Variants in ANO1 observed in about 807,000 individuals in gnomAD.
ANO1 encodes anoctamin-1.
Under a neutral mutation model 124.0 loss-of-function variants are expected in ANO1, and 59 were observed. The observed-to-expected ratio is 0.48, with a 90% CI of 0.39 to 0.59. The LOEUF is 0.59. ANO1 is among the 20% of genes least tolerant of loss of function. ANO1 has a pLI of 0.00. For synonymous variants in ANO1, 529 were observed against 532.0 expected (o/e 0.99, Z 0.08); for missense variants, 1,059 against 1,328.0 (o/e 0.80, Z 3.15).
intron 1 of ANO1, among the ~76,000 whole-genome samples, chr11:70,005,118 A>AAAAG (rs1856463018): frequency 6.6e-6 from 1 of 151,976 alleles, no homozygotes; most frequent in Admixed American, 6.6e-5. Context: ...AACTCAAAAA[A>AAAAG]AAAAAAAAAA....
intron 19 of ANO1, 28 bp from the exon 20 acceptor site, chr11:70,165,442 C>A: frequency 6.4e-7 from 1 of 1,574,748 alleles, no homozygotes; most frequent in Non-Finnish European, 8.7e-7. Flanking sequence ...GTCCCTGTAG[C>A]GTGGCTGATG....
At chr11:70,119,667 A>G (rs947205664) in intron 8 of ANO1, among the ~76,000 whole-genome samples, 15 of 141,028 alleles carry the variant, frequency 1.1e-4, no homozygotes, top group African/African-American at 3.4e-4. Context: ...GGAAGGATGA[A>G]TGATGGATGA....
the ANO1 span, among the ~76,000 whole-genome samples, chr11:69,969,666 C>T: frequency 3.9e-5 from 6 of 152,188 alleles, no homozygotes; most frequent in East Asian, 3.9e-4. Context: ...GACCCGGATG[C>T]GGCCAGGCAC....
At chr11:70,065,540 C>T (rs1857695211) in intron 1 of ANO1, among the ~76,000 whole-genome samples, 1 of 152,192 alleles carries the variant, frequency 6.6e-6, no homozygotes, top group Non-Finnish European at 1.5e-5. Context: ...GCCCTGCAGG[C>T]CTGGCCTTCC....
rs781528950 is a variant in ANO1, at chr11:70,185,715, G to A, written c.2694+20G>A. 9 of 1,611,946 alleles carry A rather than the reference G, an allele frequency of 5.6e-6. No individual in the cohort carries two copies. In the African/African-American group the frequency reaches 1.1e-4, roughly 19 times the overall value. ...TTCCAGGTGCGGTGGGTCCCTCTTTGTTTCCGGTTTGAAGATGGGAGCATT... is the reference window on the plus strand; with the variant it reads ...TTCCAGGTGCGGTGGGTCCCTCTTTATTTCCGGTTTGAAGATGGGAGCATT... On this transcript the variant is annotated intron_variant, in intron 25 of 25. Coordinates refer to ENST00000355303, the MANE Select transcript of ANO1 (RefSeq NM_018043.7).
intron 6 of ANO1, among the ~76,000 whole-genome samples, chr11:70,110,105 G>A (rs1482445625): frequency 2.0e-5 from 3 of 152,018 alleles, no homozygotes; most frequent in Non-Finnish European, 2.9e-5. Context: ...AAGGCCCTGC[G>A]GCAGGCAGCA....
intron 21 of ANO1, 68 bp downstream of exon 21, chr11:70,167,455 G>C: frequency 6.5e-7 from 1 of 1,539,604 alleles, no homozygotes; most frequent in South Asian, 1.2e-5. Context: ...CCTGGAGTGG[G>C]GAAGGGCTGC....
chr11:70,186,400 A>C (rs192740628), intron 25 of ANO1, among the ~76,000 whole-genome samples: 2 of 150,654 alleles, frequency 1.3e-5, no homozygotes, highest in Non-Finnish European at 3.0e-5. Flanking sequence ...GGAAGGAAGA[A>C]AGACATGGAG....
rs1229476068 is a variant in ANO1, at chr11:70,187,952, A to T, written c.2909A>T (p.Asp970Val). The T allele has an allele frequency of 1.3e-6, 2 of 1,577,546 alleles. No homozygotes were observed. The highest frequency in any genetic ancestry group is 8.6e-7 in the Non-Finnish European group (1 of 1,162,460). ...CNHHNTKACP[D>V]SLGSPAPSHA... ...CACCACAACACCAAAGCCTGCCCAGACAGCCTCGGCAGCCCAGCCCCCAGC... is the reference window on the plus strand; with the variant it reads ...CACCACAACACCAAAGCCTGCCCAGTCAGCCTCGGCAGCCCAGCCCCCAGC... The change falls in exon 26 of 26, where the codon GAC becomes GTC. Residue 970 changes from aspartate (D) to valine (V), a missense_variant. Asp to Val is a radical substitution (Grantham distance 152, BLOSUM62 -3). Around this residue, in one of 2 missense-constraint regions of ANO1, gnomAD observed 809 missense variants for 1,094.9 expected, o/e 0.74. Transcript: ENST00000355303.
chr11:70,137,236 C>T lies in ANO1; in HGVS notation c.1258+5157C>T, dbSNP rs558964158. 2.3e-4 allele frequency among the ~76,000 whole-genome samples: 34 copies of T among 146,860 alleles called. 6 individuals are homozygous for T. The South Asian group carries it at 7.5e-3, about 32-fold the overall frequency. Reference sequence around the variant, plus strand: ...TGTTTATCACACTGTATCCGAACAGCGGAGAACCTGTCCCCATTTCACAGA... The same window carrying T: ...TGTTTATCACACTGTATCCGAACAGTGGAGAACCTGTCCCCATTTCACAGA... On this transcript the variant is annotated intron_variant, in intron 11 of 25. Coordinates refer to ENST00000355303, the MANE Select transcript of ANO1 (RefSeq NM_018043.7).
intron 1 of ANO1, among the ~76,000 whole-genome samples, chr11:70,036,174 G>A (rs1565165974): frequency 6.6e-6 from 1 of 152,150 alleles, no homozygotes; most frequent in Non-Finnish European, 1.5e-5. Context: ...CACTCCCTTG[G>A]AAGGATCTGG....
rs1009980148 is a variant in ANO1, at chr11:70,147,100, G to T, written c.1259-2610G>T. Among the ~76,000 whole-genome samples, 59 of 152,176 alleles carry T rather than the reference G, an allele frequency of 3.9e-4. 1 individual carries two copies. Among genetic ancestry groups the T allele is most frequent in the Admixed American group, 3.7e-3 (56 of 15,290 alleles). The stretch of plus-strand genomic sequence containing the variant: ...GCGGGTAAACAGGCCAACTCTGCAG[G>T]TGTGCGTGGAGCAGCCCTCCCGGGC... On this transcript the variant is annotated intron_variant, in intron 11 of 25. Transcript: ENST00000355303.
intron 11 of ANO1, among the ~76,000 whole-genome samples, chr11:70,137,422 C>A (rs1429744497): frequency 7.5e-5 from 10 of 132,752 alleles, no homozygotes; most frequent in African/African-American, 2.4e-4. Flanking sequence ...CCCCCACCCC[C>A]CCACCCGCCA....
At chr11:70,018,560 C>T (rs1856742275) in intron 1 of ANO1, among the ~76,000 whole-genome samples, 1 of 152,118 alleles carries the variant, frequency 6.6e-6, no homozygotes, top group African/African-American at 2.4e-5. Context: ...GTGTTTGGGA[C>T]CGTAGCTGCA....
Position 70,078,600 on chromosome 11 carries a change from G to A in ANO1, c.-7G>A. Reference sequence around the variant, plus strand: ...CGCCCGGCGGTCCCAGCGCACAGGCGGCCACGATGAGGGTCAACGAGAAGT... The same window carrying A: ...CGCCCGGCGGTCCCAGCGCACAGGCAGCCACGATGAGGGTCAACGAGAAGT... On this transcript the variant is annotated 5_prime_UTR_variant, in exon 1 of 26. Transcript: ENST00000355303. 1 of 1,474,104 alleles carries A rather than the reference G, an allele frequency of 6.8e-7. No individual in the cohort carries two copies. Among genetic ancestry groups the A allele is most frequent in the Non-Finnish European group, 9.1e-7 (1 of 1,101,802 alleles). The allele number at this position is 1,474,104 out of a possible 1,614,324, so 91.3% of individuals were successfully genotyped here.
chr11:69,969,948 A>AAAACAAAC, the ANO1 span, among the ~76,000 whole-genome samples: 4 of 151,788 alleles, frequency 2.6e-5, no homozygotes, highest in Admixed American at 1.3e-4. Context: ...CTCATCTCAA[A>AAAACAAAC]AAACAAACAA....
intron 20 of ANO1, 150 bp downstream of exon 20, chr11:70,165,720 TG>T (rs1590901794): frequency 1.5e-6 from 1 of 685,638 alleles, no homozygotes; most frequent in Non-Finnish European, 2.4e-6. Flanking sequence ...AGAGGGAAGG[TG>T]GGGCAAAAGC....
At chr11:70,138,516 A>AAAAAG (rs1555037595) in intron 11 of ANO1, among the ~76,000 whole-genome samples, 14 of 151,776 alleles carry the variant, frequency 9.2e-5, no homozygotes, top group African/African-American at 3.1e-4. Context: ...CAAAAAAAAA[A>AAAAAG]AAAAGAAAAG....
intron 1 of ANO1, among the ~76,000 whole-genome samples, 152 bp from the exon 2 acceptor site, chr11:70,087,582 TCCCAGGTGTATCTCAGGC>T (rs2044432004): frequency 2.6e-5 from 4 of 152,194 alleles, no homozygotes; most frequent in Admixed American, 2.6e-4. Flanking sequence ...TCTGCTGTGT[TCCCAGGTGTATCTCAGGC>T]CCTAGGACAG....
Sources: gnomAD v4.1 joint callset for allele counts (sites outside exome capture counted in the v4.1 genomes callset) on GRCh38, gnomAD v4.1.1 for gene constraint, gnomAD v4.1.1 regional missense constraint, MANE v1.5 for transcripts, NCBI Gene and HGNC (gene_info 2026-07-23, HGNC 2026-07-21) for gene names.